EZH2: variants seen among roughly 807,000 people sequenced by gnomAD.
EZH2 encodes histone-lysine N-methyltransferase EZH2.
Under a neutral mutation model 98.4 loss-of-function variants are expected in EZH2, and 18 were observed. The ratio of observed to expected loss-of-function variants is 0.18; its 90% confidence interval spans 0.13 to 0.27. The LOEUF (loss-of-function observed/expected upper bound fraction) is 0.27, where lower values mean the gene tolerates loss of function less well. Among genes scored for constraint, EZH2 ranks in the 10% least tolerant of loss-of-function variants. EZH2 has a pLI of 1.00. For missense variants in EZH2, 470 were observed against 935.1 expected, an observed-to-expected ratio of 0.50 and a Z score of 6.49; for synonymous variants, 338 against 312.3, an observed-to-expected ratio of 1.08 and a Z score of -0.87.
chr7:148,853,240 T>C (rs886901636), intron 1 of EZH2, among the ~76,000 whole-genome samples: 3 of 152,088 alleles, frequency 2.0e-5, no homozygotes, highest in African/African-American at 7.2e-5. Flanking sequence ...GGTAAAACCC[T>C]GTTTCTACTA....
chr7:148,823,882 A>G (rs1806901575), intron 8 of EZH2, among the ~76,000 whole-genome samples: 1 of 152,194 alleles, frequency 6.6e-6, no homozygotes, highest in South Asian at 2.1e-4. Context: ...AAAAACAACA[A>G]TAGCTAACAA....
At chr7:148,813,853 A>G (rs1218836137) in intron 15 of EZH2, 106 bp downstream of exon 15, 1 of 1,181,532 alleles carries the variant, frequency 8.5e-7, no homozygotes, top group African/African-American at 1.5e-5. Flanking sequence ...CCTTTCAAGG[A>G]TCACTTTTAC....
At chr7:148,809,048 T>A (rs1406423803) in intron 19 of EZH2, 23 bp downstream of exon 19, 2 of 1,600,562 alleles carry the variant, frequency 1.2e-6, no homozygotes, top group East Asian at 2.2e-5. Flanking sequence ...TTAGAGATCA[T>A]GCTAGAAATG....
chr7:148,820,028 C>G (rs77678551), intron 8 of EZH2, among the ~76,000 whole-genome samples: 1 of 152,322 alleles, frequency 6.6e-6, no homozygotes, highest in East Asian at 1.9e-4. Context: ...TTGATAGACC[C>G]TCTACAATTA....
intron 3 of EZH2, among the ~76,000 whole-genome samples, chr7:148,839,838 C>T (rs1811983807): frequency 6.6e-6 from 1 of 152,154 alleles, no homozygotes; most frequent in Non-Finnish European, 1.5e-5. Flanking sequence ...TGAGCCACTG[C>T]ACCCAGCCAA....
Position 148,807,462 on chromosome 7 carries a change from C to G in EZH2, c.*184G>C, listed in dbSNP as rs570106117. Reference sequence around the variant, plus strand: ...TGCAAAAATTCACTGGTACAAAACACTTTGCAGCTGGTGAGAAGGCAATAA... The same window carrying G: ...TGCAAAAATTCACTGGTACAAAACAGTTTGCAGCTGGTGAGAAGGCAATAA... On this transcript the variant is annotated 3_prime_UTR_variant, in exon 20 of 20. Transcript: ENST00000320356. 1 of 596,848 alleles carries G rather than the reference C, an allele frequency of 1.7e-6. No homozygotes were observed. The highest frequency in any genetic ancestry group is 1.9e-5 in the African/African-American group (1 of 54,038). The allele number at this position is 596,848 out of a possible 1,614,324, so 37.0% of individuals were successfully genotyped here. A position where few individuals can be genotyped will look rare whatever the true frequency, so the allele number is the denominator to read the frequency against.
chr7:148,866,685 C>CAT (rs758153151), intron 1 of EZH2, among the ~76,000 whole-genome samples: 42 of 142,660 alleles, frequency 2.9e-4, no homozygotes, highest in Admixed American at 4.9e-4. Context: ...TACGTATATG[C>CAT]ATATATATAT....
At chr7:148,817,152 T>C (rs1804776442) in intron 11 of EZH2, 70 bp downstream of exon 11, 3 of 1,425,546 alleles carry the variant, frequency 2.1e-6, no homozygotes, top group Non-Finnish European at 2.8e-6. Flanking sequence ...TTTTCTTTGT[T>C]TGGACAACGA....
intron 1 of EZH2, among the ~76,000 whole-genome samples, chr7:148,859,383 G>A (rs1040917713): frequency 6.6e-6 from 1 of 152,052 alleles, no homozygotes; most frequent in Admixed American, 6.6e-5. Context: ...GCACACACCT[G>A]TAGTCCCGGC....
chr7:148,828,641 G>C, intron 6 of EZH2, 99 bp downstream of exon 6: 1 of 1,410,138 alleles, frequency 7.1e-7, no homozygotes, highest in Non-Finnish European at 9.6e-7. Context: ...AACAAAGAAA[G>C]AAAAAGAGAA....
chr7:148,862,531 TAA>T (rs1318393317), intron 1 of EZH2, among the ~76,000 whole-genome samples: 1 of 152,152 alleles, frequency 6.6e-6, no homozygotes, highest in Non-Finnish European at 1.5e-5. Flanking sequence ...TTCATTGATT[TAA>T]AAAAAGTCTG....
At chr7:148,821,137 C>T (rs1805952812) in intron 8 of EZH2, 1 of 149,816 alleles carries the variant, frequency 6.7e-6, no homozygotes, top group Non-Finnish European at 1.5e-5. Flanking sequence ...GAGAAAGAAG[C>T]TTCAGTTATA....
intron 3 of EZH2, among the ~76,000 whole-genome samples, chr7:148,842,968 G>T (rs1229664104): frequency 6.6e-6 from 1 of 151,894 alleles, no homozygotes; most frequent in African/African-American, 2.4e-5. Flanking sequence ...AGCACTTTGG[G>T]AGGCCAAGGT....
At chr7:148,860,661 A>T (rs1485649271) in intron 1 of EZH2, among the ~76,000 whole-genome samples, 2 of 152,174 alleles carry the variant, frequency 1.3e-5, no homozygotes, top group Non-Finnish European at 2.9e-5. Context: ...AGAGTTTTTT[A>T]CAATTTACTT....
chr7:148,836,217 C>G lies in EZH2; in HGVS notation c.247-3467G>C, dbSNP rs573243278. On this transcript the variant is annotated intron_variant, in intron 3 of 19. Coordinates refer to ENST00000320356, the MANE Select transcript of EZH2 (RefSeq NM_004456.5). The stretch of plus-strand genomic sequence containing the variant: ...AACAGACTACACTTGATGATTTTCT[C>G]TAATGGAGACTTCAATTTCTGTTTC... 9.2e-5 allele frequency among the ~76,000 whole-genome samples: 14 copies of G among 152,302 alleles called. No homozygotes were observed. The South Asian group carries it at 2.5e-3, about 27-fold the overall frequency.
chr7:148,848,096 A>C (rs992002152), intron 1 of EZH2, among the ~76,000 whole-genome samples: 4 of 152,198 alleles, frequency 2.6e-5, no homozygotes, highest in Admixed American at 2.6e-4. Flanking sequence ...ATTTTCTCCT[A>C]AAGTATTAAA....
chr7:148,824,041 G>A (rs866405974), intron 8 of EZH2, among the ~76,000 whole-genome samples: 20 of 152,114 alleles, frequency 1.3e-4, no homozygotes, highest in East Asian at 7.7e-4. Context: ...TCGACCAGGC[G>A]TGGTAGCTCA....
intron 3 of EZH2, among the ~76,000 whole-genome samples, chr7:148,837,447 A>C (rs1001628601): frequency 2.0e-5 from 3 of 152,330 alleles, no homozygotes; most frequent in African/African-American, 7.2e-5. Flanking sequence ...GTGATTTCTG[A>C]AACTACCCTA....
At chr7:148,844,833 G>C (rs957631206) in intron 3 of EZH2, among the ~76,000 whole-genome samples, 1 of 152,074 alleles carries the variant, frequency 6.6e-6, no homozygotes, top group African/African-American at 2.4e-5. Flanking sequence ...CAAGTTGTAT[G>C]TCAATAATGT....
Sources: allele counts gnomAD v4.1 joint callset (sites outside exome capture counted in the v4.1 genomes callset), GRCh38; gene constraint gnomAD v4.1.1; transcripts MANE v1.5; gene names NCBI Gene and HGNC (gene_info 2026-07-23, HGNC 2026-07-21).